Variants in ELOVL6 observed in about 807,000 individuals in gnomAD.
The protein encoded by ELOVL6 is very long chain fatty acid elongase 6.
ELOVL6 carries 8 observed loss-of-function variants against 31.7 expected under a neutral mutation model. The observed-to-expected ratio is 0.25, with a 90% CI of 0.15 to 0.45. The LOEUF is 0.45. Ranked by LOEUF, ELOVL6 falls within the 20% of genes least tolerant of loss-of-function variation. ELOVL6 has a pLI of 1.00. For missense variants in ELOVL6, 126 were observed against 326.4 expected, an observed-to-expected ratio of 0.39 and a Z score of 4.73; for synonymous variants, 101 against 117.7, an observed-to-expected ratio of 0.86 and a Z score of 0.92.
At chr4:110,133,819 T>C (rs1225917202) in intron 1 of ELOVL6, among the ~76,000 whole-genome samples, 1 of 152,222 alleles carries the variant, frequency 6.6e-6, no homozygotes, top group Non-Finnish European at 1.5e-5. Context: ...ACTCACCTCA[T>C]AGTTACTTAG....
In ELOVL6 at chr4:110,124,257, G is replaced by C. The variant is rs180845970; in HGVS notation, c.90-18629C>G. 3.9e-5 allele frequency among the ~76,000 whole-genome samples: 6 copies of C among 152,248 alleles called. No homozygotes were observed. The Middle Eastern group carries it at 0.02, about 518-fold the overall frequency. The stretch of plus-strand genomic sequence containing the variant: ...TAATGAATGTTTGCTTATTGCATAC[G>C]TATGTTTACTGCAGCACTATTCACA... On this transcript the variant is annotated intron_variant, in intron 1 of 3. Coordinates refer to ENST00000302274, the MANE Select transcript of ELOVL6 (RefSeq NM_024090.3).
chr4:110,077,890 T>C (rs1434465962), intron 2 of ELOVL6, among the ~76,000 whole-genome samples: 3 of 152,002 alleles, frequency 2.0e-5, no homozygotes, highest in Non-Finnish European at 4.4e-5. Context: ...AGAGAAGTCC[T>C]TAAAGGACCT....
At chr4:110,181,846 G>C (rs531616879) in intron 1 of ELOVL6, among the ~76,000 whole-genome samples, 1 of 152,158 alleles carries the variant, frequency 6.6e-6, no homozygotes, top group Non-Finnish European at 1.5e-5. Flanking sequence ...AGGCTCTCTG[G>C]ATCCACAGAG....
intron 2 of ELOVL6, among the ~76,000 whole-genome samples, chr4:110,083,774 G>A (rs1755961550): frequency 6.7e-6 from 1 of 150,314 alleles, no homozygotes; most frequent in Admixed American, 6.7e-5. Flanking sequence ...TGATGATGGT[G>A]GTGGTTAGTA....
At chr4:110,176,205 C>T (rs1385128704) in intron 1 of ELOVL6, among the ~76,000 whole-genome samples, 1 of 151,910 alleles carries the variant, frequency 6.6e-6, no homozygotes, top group African/African-American at 2.4e-5. Flanking sequence ...CTCTGTTGCT[C>T]ACGCTGGAAT....
chr4:110,108,333 A>G (rs1054498981), intron 1 of ELOVL6, among the ~76,000 whole-genome samples: 4 of 152,224 alleles, frequency 2.6e-5, no homozygotes, highest in African/African-American at 9.6e-5. Context: ...TCTTCATACA[A>G]TCCTATCATT....
chr4:110,182,522 T>C (rs986367896), intron 1 of ELOVL6, among the ~76,000 whole-genome samples: 1 of 152,170 alleles, frequency 6.6e-6, no homozygotes, highest in Admixed American at 6.5e-5. Context: ...TTAAGTACAT[T>C]ATAGTTAATG....
At chr4:110,178,625 G>A (rs1759184137) in intron 1 of ELOVL6, among the ~76,000 whole-genome samples, 2 of 151,630 alleles carry the variant, frequency 1.3e-5, no homozygotes, top group South Asian at 4.2e-4. Flanking sequence ...GAGAGGCCAA[G>A]TCAGGACTGC....
chr4:110,136,491 A>G lies in ELOVL6; in HGVS notation c.90-30863T>C, dbSNP rs1757813358. On this transcript the variant is annotated intron_variant, in intron 1 of 3. Transcript: ENST00000302274. ...ACATGTTCACTTGACTGACAGATACAATCACCTATATTAGGAGCAATCAGC... is the reference window on the plus strand; with the variant it reads ...ACATGTTCACTTGACTGACAGATACGATCACCTATATTAGGAGCAATCAGC... Among the ~76,000 whole-genome samples the G allele has an allele frequency of 2.0e-5, 3 of 152,202 alleles. No homozygotes were observed. The South Asian group carries it at 6.2e-4, about 31-fold the overall frequency.
chr4:110,063,505 T>C (rs543491800), intron 2 of ELOVL6, among the ~76,000 whole-genome samples: 1 of 151,614 alleles, frequency 6.6e-6, no homozygotes, highest in South Asian at 2.1e-4. Flanking sequence ...GCACCAACTT[T>C]CCACAAGTGA....
At chr4:110,064,946 T>A (rs1184535093) in intron 2 of ELOVL6, among the ~76,000 whole-genome samples, 1 of 152,168 alleles carries the variant, frequency 6.6e-6, no homozygotes, top group Non-Finnish European at 1.5e-5. Context: ...CAAACTGGCA[T>A]TAGCACTCGG....
rs1262980877 is a variant in ELOVL6 at position 110,046,850 on chromosome 4, T to C, written c.*4488A>G. On this transcript the variant is annotated 3_prime_UTR_variant, in exon 4 of 4. Coordinates refer to ENST00000302274, the MANE Select transcript of ELOVL6 (RefSeq NM_024090.3). ...CTGATTGTCGGAACAAAATAGAGCA[T>C]TGTGATTTCATCAGCTCTCACTTTA... 6.6e-6 allele frequency: 1 copy of C among 152,202 alleles called. No homozygotes were observed. Among genetic ancestry groups the C allele is most frequent in the African/African-American group, 2.4e-5 (1 of 41,450 alleles). The allele number at this position is 152,202 out of a possible 1,614,324, so 9.4% of individuals were successfully genotyped here. A position where few individuals can be genotyped will look rare whatever the true frequency, so the allele number is the denominator to read the frequency against.
chr4:110,176,127 C>T (rs1221962046), intron 1 of ELOVL6, among the ~76,000 whole-genome samples: 1 of 149,954 alleles, frequency 6.7e-6, no homozygotes, highest in African/African-American at 2.4e-5. Flanking sequence ...TTTAACAACA[C>T]CATGAATAAA....
At chr4:110,178,125 A>G (rs940721459) in intron 1 of ELOVL6, among the ~76,000 whole-genome samples, 2 of 152,250 alleles carry the variant, frequency 1.3e-5, no homozygotes, top group Non-Finnish European at 2.9e-5. Context: ...ACATTAAAGA[A>G]ACAAATTCTC....
chr4:110,121,515 G>A (rs1156954035), intron 1 of ELOVL6, among the ~76,000 whole-genome samples: 6 of 152,188 alleles, frequency 3.9e-5, no homozygotes, highest in Admixed American at 2.6e-4. Flanking sequence ...TGGCTAACAC[G>A]GTGAAACCCC....
In ELOVL6 at chr4:110,141,126, C is replaced by G. The variant is rs557877596; in HGVS notation, c.90-35498G>C. Among the ~76,000 whole-genome samples the G allele has an allele frequency of 3.3e-5, 5 of 152,172 alleles. No homozygotes were observed. The South Asian group carries it at 1.0e-3, about 32-fold the overall frequency. On this transcript the variant is annotated intron_variant, in intron 1 of 3. Coordinates refer to ENST00000302274, the MANE Select transcript of ELOVL6 (RefSeq NM_024090.3). ...TTGCCCAGGCTGGAGTGCAATGGCA[C>G]GATCTCAGCTCACCGCAACCTCTGC...
intron 2 of ELOVL6, among the ~76,000 whole-genome samples, chr4:110,090,253 G>C (rs1014097357): frequency 3.3e-5 from 5 of 152,192 alleles, no homozygotes; most frequent in African/African-American, 4.8e-5. Context: ...TGTTTAGACT[G>C]TGTATGGAGA....
rs1362530003 is a variant in ELOVL6 at position 110,050,361 on chromosome 4, A to C, written c.*977T>G. On this transcript the variant is annotated 3_prime_UTR_variant, in exon 4 of 4. Transcript: ENST00000302274. ...TGTCTGTCGAATTGATCTTCGGCTC[A>C]CCTCTTTTCCCACTGCCTTTCTCCC... 1.3e-5 allele frequency: 2 copies of C among 152,488 alleles called. No individual in the cohort carries two copies. Among genetic ancestry groups the C allele is most frequent in the Non-Finnish European group, 2.9e-5 (2 of 68,030 alleles). 9.4% of individuals were successfully genotyped at this position (152,488 alleles called of 1,614,324 possible).
At chr4:110,195,107 C>T (rs1015031486) in intron 1 of ELOVL6, among the ~76,000 whole-genome samples, 3 of 152,146 alleles carry the variant, frequency 2.0e-5, no homozygotes, top group Non-Finnish European at 4.4e-5. Flanking sequence ...TTCCCTTCTC[C>T]TATTAAAAAG....
Sources: allele counts gnomAD v4.1 joint callset (sites outside exome capture counted in the v4.1 genomes callset), GRCh38; gene constraint gnomAD v4.1.1; transcripts MANE v1.5; gene names NCBI Gene and HGNC (gene_info 2026-07-23, HGNC 2026-07-21).